The following ACSM3 variants were observed in gnomAD, a reference collection of about 807,000 sequenced individuals.
The protein encoded by ACSM3 is acyl-CoA synthetase medium chain family member 3.
ACSM3 carries 61 observed loss-of-function variants against 74.1 expected under a neutral mutation model. The ratio of observed to expected loss-of-function variants is 0.82; its 90% CI spans 0.67 to 1.02. The LOEUF (loss-of-function observed/expected upper bound fraction) is 1.02. Among genes scored for constraint, ACSM3 ranks in the 50% least tolerant of loss-of-function variants. ACSM3 has a pLI of 0.00. For missense variants in ACSM3, 660 were observed against 697.0 expected (o/e 0.95, Z 0.60); for synonymous variants, 213 against 241.5 (o/e 0.88, Z 1.09).
At chr16:20,724,279 T>C (rs1335906138) in intron 1 of ACSM3, among the ~76,000 whole-genome samples, 2 of 152,072 alleles carry the variant, frequency 1.3e-5, no homozygotes, top group East Asian at 1.9e-4. Context: ...ATGACAAAAA[T>C]CACATGATTA....
At chr16:20,727,467 G>T (rs1346146097) in intron 1 of ACSM3, 2 of 454,856 alleles carry the variant, frequency 4.4e-6, no homozygotes, top group Non-Finnish European at 8.6e-6. Flanking sequence ...GACGGAAGTG[G>T]TATATTTAAA....
chr16:20,690,099 A>T (rs1375764167), intron 1 of ACSM3, among the ~76,000 whole-genome samples: 2 of 152,240 alleles, frequency 1.3e-5, no homozygotes, highest in East Asian at 1.9e-4. Flanking sequence ...TTCAGAGAAA[A>T]GAAAAAGAAG....
chr16:20,766,804 T>C (rs1287773681), intron 1 of ACSM3, among the ~76,000 whole-genome samples: 1 of 152,194 alleles, frequency 6.6e-6, no homozygotes, highest in Non-Finnish European at 1.5e-5. Flanking sequence ...CTCTGCGCAC[T>C]GGTATGGAAA....
chr16:20,742,792 AATAT>A (rs1216173827), intron 1 of ACSM3, among the ~76,000 whole-genome samples: 17 of 136,408 alleles, frequency 1.2e-4, no homozygotes, highest in African/African-American at 3.3e-4. Context: ...GGTGCGTGTA[AATAT>A]ATATATATAT....
intron 3 of ACSM3, among the ~76,000 whole-genome samples, chr16:20,776,984 T>G (rs1189866384): frequency 6.6e-6 from 1 of 152,242 alleles, no homozygotes; most frequent in Non-Finnish European, 1.5e-5. Context: ...AAGTGATACC[T>G]TGGGCAAGTT....
intron 1 of ACSM3, among the ~76,000 whole-genome samples, chr16:20,768,942 G>A (rs2080159030): frequency 6.6e-6 from 1 of 152,116 alleles, no homozygotes; most frequent in African/African-American, 2.4e-5. Context: ...TGATGCATCG[G>A]TTATATCAAC....
intron 1 of ACSM3, among the ~76,000 whole-genome samples, chr16:20,709,720 A>G (rs11866198): frequency 0.016 from 2,369 of 152,340 alleles, 69 homozygotes; most frequent in African/African-American, 0.054. Context: ...GATGATATTT[A>G]AAAGCTTTTA....
intron 1 of ACSM3, among the ~76,000 whole-genome samples, chr16:20,719,873 A>G (rs1307995404): frequency 2.0e-5 from 3 of 152,230 alleles, no homozygotes; most frequent in African/African-American, 7.2e-5. Context: ...TCAGACATGC[A>G]TGCCCTGCCT....
chr16:20,766,246 T>G (rs1474867701), intron 1 of ACSM3, among the ~76,000 whole-genome samples: 1 of 152,056 alleles, frequency 6.6e-6, no homozygotes, highest in Non-Finnish European at 1.5e-5. Context: ...AGTTTCAACA[T>G]TTTATCTAAA....
chr16:20,717,313 A>G (rs932420035), intron 1 of ACSM3, among the ~76,000 whole-genome samples: 1 of 152,224 alleles, frequency 6.6e-6, no homozygotes, highest in Non-Finnish European at 1.5e-5. Context: ...CAAAGGAATG[A>G]CTGTGACTTG....
chr16:20,677,028 G>C (rs1435441748), intron 1 of ACSM3, among the ~76,000 whole-genome samples: 1 of 151,934 alleles, frequency 6.6e-6, no homozygotes, highest in Admixed American at 6.6e-5. Flanking sequence ...AGGAAAGATG[G>C]CTTAGTAGTA....
At position 20,682,278 on chromosome 16, in the gene ACSM3, G is replaced by A. The variant is rs770770391; in HGVS notation, c.-190+7456G>A. ...CACTTAACCAGCGATCGGAAGTCCA[G>A]CCACCCTTCACGGCTGTGATCAGAC... is the stretch of plus-strand genomic sequence containing the variant. On this transcript the variant is annotated intron_variant, in intron 1 of 3. Coordinates refer to the ACSM3 transcript ENST00000561584. The A allele has an allele frequency of 1.9e-6, 3 of 1,613,220 alleles. No individual in the cohort carries two copies. The East Asian group carries it at 6.7e-5, about 36-fold the overall frequency.
chr16:20,782,299 A>G (rs557982333), intron 7 of ACSM3, among the ~76,000 whole-genome samples: 1 of 152,178 alleles, frequency 6.6e-6, no homozygotes, highest in East Asian at 1.9e-4. Flanking sequence ...GGTTACATGA[A>G]TAAGTTCTTT....
intron 8 of ACSM3, 80 bp downstream of exon 8, chr16:20,785,187 A>G: frequency 6.4e-7 from 1 of 1,551,762 alleles, no homozygotes; most frequent in Non-Finnish European, 8.8e-7. Flanking sequence ...CAGTCTCCTT[A>G]TGATTATTTG....
At chr16:20,697,829 G>T (rs907257790) in intron 1 of ACSM3, 1 of 152,280 alleles carries the variant, frequency 6.6e-6, no homozygotes, top group East Asian at 1.9e-4. Flanking sequence ...AATTCAGTAG[G>T]GGGAGGAGAT....
At chr16:20,773,906 GTTTC>G (rs2080223508) in intron 2 of ACSM3, among the ~76,000 whole-genome samples, 1 of 152,182 alleles carries the variant, frequency 6.6e-6, no homozygotes, top group Non-Finnish European at 1.5e-5. Flanking sequence ...TAAATCCAAT[GTTTC>G]TTTGTTAATT....
intron 1 of ACSM3, among the ~76,000 whole-genome samples, chr16:20,732,532 A>G (rs777159912): frequency 2.0e-5 from 3 of 152,146 alleles, no homozygotes; most frequent in Non-Finnish European, 2.9e-5. Flanking sequence ...AATCTTCTCC[A>G]ATCTCCAGGG....
At chr16:20,782,411 A>G (rs1346578855) in intron 7 of ACSM3, among the ~76,000 whole-genome samples, 5 of 152,116 alleles carry the variant, frequency 3.3e-5, no homozygotes, top group Non-Finnish European at 7.4e-5. Context: ...CCCTTTCCCC[A>G]GAGTCCCCAA....
chr16:20,704,586 G>A (rs759321648), intron 1 of ACSM3, among the ~76,000 whole-genome samples: 94 of 152,228 alleles, frequency 6.2e-4, no homozygotes, highest in Admixed American at 2.0e-3. Flanking sequence ...CTTAAATCTC[G>A]AATACTGATT....
Sources: allele counts gnomAD v4.1 joint callset (sites outside exome capture counted in the v4.1 genomes callset), GRCh38; gene constraint gnomAD v4.1.1; transcripts MANE v1.5; gene names NCBI Gene and HGNC (gene_info 2026-07-23, HGNC 2026-07-21).